CCNK: variants seen among roughly 807,000 people sequenced by gnomAD.
The protein encoded by CCNK is cyclin K.
A neutral mutation model predicts 65.0 loss-of-function variants in CCNK; 9 were observed. The observed-to-expected ratio is 0.14, with a 90% CI of 0.08 to 0.24. The LOEUF is 0.24. Ranked by LOEUF, CCNK falls within the 10% of genes least tolerant of loss-of-function variation. CCNK has a pLI of 1.00. For missense variants in CCNK, 474 were observed against 720.0 expected, an observed-to-expected ratio of 0.66 and a Z score of 3.91; for synonymous variants, 279 against 270.8, an observed-to-expected ratio of 1.03 and a Z score of -0.30.
chr14:99,503,777 C>T (rs1896902390), intron 9 of CCNK, 133 bp downstream of exon 9: 6 of 707,336 alleles, frequency 8.5e-6, no homozygotes, highest in Admixed American at 2.9e-5. Flanking sequence ...CAAAACTTTT[C>T]CATCAGCATT....
At chr14:99,489,577 T>C (rs1896558651) in intron 1 of CCNK, among the ~76,000 whole-genome samples, 1 of 152,232 alleles carries the variant, frequency 6.6e-6, no homozygotes, top group Admixed American at 6.5e-5. Flanking sequence ...ATAATTCTTT[T>C]CAGTTATTTT....
Position 99,492,830 on chromosome 14 carries a change from A to G in CCNK, c.153A>G (p.Arg51=). The G allele has an allele frequency of 6.2e-7, 1 of 1,610,008 alleles. No homozygotes were observed. The highest frequency in any genetic ancestry group is 2.2e-5 in the East Asian group (1 of 44,820). The change falls in exon 2 of 11, where the codon CGA becomes CGG. Residue 51 remains arginine (R), a synonymous_variant. Transcript: ENST00000389879. ...LDPATEARYR[R]EGARFIFDVG... is the part of the protein sequence containing the mutation. ...CAGCCACCGAGGCCCGGTACCGCCG[A>G]GAGGGCGCTCGGTTCATCTTTGATG...
chr14:99,502,555 A>G (rs1171869833), intron 7 of CCNK, 164 bp from the exon 8 acceptor site: 2 of 1,243,670 alleles, frequency 1.6e-6, no homozygotes, highest in Non-Finnish European at 2.2e-6. Context: ...ACTTTTGGTA[A>G]ACTAAAAATA....
intron 10 of CCNK, chr14:99,507,720 C>G (rs1268951896): frequency 6.5e-6 from 1 of 154,330 alleles, no homozygotes; most frequent in African/African-American, 2.4e-5. Flanking sequence ...GAGATAGAGG[C>G]AGGGTTACTG....
At chr14:99,489,079 A>T (rs905677400) in intron 1 of CCNK, among the ~76,000 whole-genome samples, 3 of 152,160 alleles carry the variant, frequency 2.0e-5, no homozygotes, top group Non-Finnish European at 2.9e-5. Flanking sequence ...TTTCAGAATT[A>T]GGAGTGTCAT....
intron 9 of CCNK, chr14:99,506,395 T>A (rs1896975709): frequency 6.6e-6 from 1 of 152,456 alleles, no homozygotes; most frequent in African/African-American, 2.4e-5. Flanking sequence ...TCCCTTGGGC[T>A]GCCTTGGAGA....
At position 99,492,957 on chromosome 14, in the gene CCNK, T is replaced by C. The variant is rs554936798; in HGVS notation, c.197+83T>C. 6 of 1,133,608 alleles carry C rather than the reference T, an allele frequency of 5.3e-6. No individual in the cohort carries two copies. The Admixed American group carries it at 9.7e-5, about 18-fold the overall frequency. The allele number at this position is 1,133,608 out of a possible 1,614,324, so 70.2% of individuals were successfully genotyped here. On this transcript the variant is annotated intron_variant, in intron 2 of 10. Transcript: ENST00000389879. ...ATAATTAGATTCTGTAGACAAAATA[T>C]ATAGTAATTTCTCTGTACCAGAGCA...
intron 1 of CCNK, among the ~76,000 whole-genome samples, chr14:99,481,790 T>A (rs1595299176): frequency 6.6e-6 from 1 of 152,194 alleles, no homozygotes; most frequent in Non-Finnish European, 1.5e-5. Context: ...GGGGCAGCGG[T>A]GTTAACCGCG....
At chr14:99,487,463 A>G (rs1192161175) in intron 1 of CCNK, among the ~76,000 whole-genome samples, 1 of 152,182 alleles carries the variant, frequency 6.6e-6, no homozygotes, top group Admixed American at 6.5e-5. Flanking sequence ...GACATTGCCA[A>G]ATGTCCCCTG....
chr14:99,497,725 C>T (rs1896732541), intron 4 of CCNK, among the ~76,000 whole-genome samples: 1 of 152,190 alleles, frequency 6.6e-6, no homozygotes, highest in Admixed American at 6.5e-5. Flanking sequence ...TCATTCTCCT[C>T]ATTGCTTTGA....
chr14:99,506,957 C>G (rs1397191264), intron 9 of CCNK, 119 bp from the exon 10 acceptor site: 1 of 759,068 alleles, frequency 1.3e-6, no homozygotes, highest in African/African-American at 1.7e-5. Flanking sequence ...TCCCTTAAAG[C>G]CTTGGTCATC....
intron 6 of CCNK, chr14:99,501,791 C>G (rs558936796): frequency 2.1e-5 from 5 of 233,956 alleles, no homozygotes; most frequent in Non-Finnish European, 4.1e-5. Context: ...AATGAGGGGC[C>G]GTGGTGGGAA....
At chr14:99,489,758 T>C (rs1370148089) in intron 1 of CCNK, among the ~76,000 whole-genome samples, 2 of 152,180 alleles carry the variant, frequency 1.3e-5, no homozygotes, top group Non-Finnish European at 2.9e-5. Flanking sequence ...ATCAAAGTTA[T>C]AAAAGTACTC....
At chr14:99,508,120 A>G (rs1897021959) in intron 10 of CCNK, 1 of 152,250 alleles carries the variant, frequency 6.6e-6, no homozygotes. Flanking sequence ...TGCCCGTAAC[A>G]GATGTGCCAC....
At chr14:99,484,682 G>C (rs1417904806) in intron 1 of CCNK, among the ~76,000 whole-genome samples, 1 of 152,162 alleles carries the variant, frequency 6.6e-6, no homozygotes, top group Non-Finnish European at 1.5e-5. Context: ...TAGGAATACA[G>C]GAATTATGTG....
Position 99,502,258 on chromosome 14 carries a change from A to G in CCNK, c.627A>G (p.Ala209=), listed in dbSNP as rs1896850631. The change falls in exon 7 of 11, where the codon GCA becomes GCG. Residue 209 remains alanine, a synonymous_variant. Coordinates refer to ENST00000389879, the MANE Select transcript of CCNK (RefSeq NM_001099402.2). ...LQWEPEIIAV[A]VMYLAGRLCK... is the part of the protein sequence containing the mutation. ...GGGAACCAGAGATCATAGCAGTAGC[A>G]GTGATGTATCTCGCAGGACGTTTGT... 1.2e-6 allele frequency: 2 copies of G among 1,607,274 alleles called. No individual in the cohort carries two copies. Among genetic ancestry groups the G allele is most frequent in the African/African-American group, 1.3e-5 (1 of 74,848 alleles).
At chr14:99,484,135 C>T (rs1896424962) in intron 1 of CCNK, among the ~76,000 whole-genome samples, 1 of 152,256 alleles carries the variant, frequency 6.6e-6, no homozygotes, top group African/African-American at 2.4e-5. Context: ...TAACATTCCA[C>T]TTAAACAGAA....
At chr14:99,500,500 G>A (rs1337696427) in intron 4 of CCNK, 1 of 368,260 alleles carries the variant, frequency 2.7e-6, no homozygotes, top group Non-Finnish European at 4.9e-6. Context: ...TGTATGTATT[G>A]AAAATAATAA....
intron 1 of CCNK, chr14:99,481,683 G>C (rs1254393429): frequency 2.6e-6 from 1 of 388,670 alleles, no homozygotes; most frequent in East Asian, 3.7e-5. Flanking sequence ...TGAGGCGCCG[G>C]GGCGGGGCAG....
Sources: gnomAD v4.1 joint callset for allele counts (sites outside exome capture counted in the v4.1 genomes callset) on GRCh38, gnomAD v4.1.1 for gene constraint, MANE v1.5 for transcripts, NCBI Gene and HGNC (gene_info 2026-07-23, HGNC 2026-07-21) for gene names.